The following TRDN variants were observed in gnomAD, a reference collection of about 807,000 sequenced individuals.
The protein encoded by TRDN is triadin.
A neutral mutation model predicts 149.7 loss-of-function variants in TRDN; 161 were observed. The ratio of observed to expected loss-of-function variants is 1.08; its 90% CI spans 0.95 to 1.23. The LOEUF (loss-of-function observed/expected upper bound fraction) is 1.23, where lower values mean the gene tolerates loss of function less well. Among genes scored for constraint, TRDN ranks in the 50% most tolerant of loss-of-function variants. TRDN has a pLI of 0.00. For missense variants in TRDN, 896 were observed against 823.5 expected (o/e 1.09, Z -1.08); for synonymous variants, 294 against 250.5 (o/e 1.17, Z -1.64).
intron 7 of TRDN, among the ~76,000 whole-genome samples, chr6:123,508,137 G>A (rs1779014671): frequency 6.6e-6 from 1 of 152,090 alleles, no homozygotes; most frequent in South Asian, 2.1e-4. Flanking sequence ...CATGTCTAGA[G>A]CTCTTGGAGT....
chr6:123,243,770 T>A (rs1776073435), intron 38 of TRDN, among the ~76,000 whole-genome samples: 1 of 151,704 alleles, frequency 6.6e-6, no homozygotes, highest in Admixed American at 6.6e-5. Context: ...TAAAGAAAAA[T>A]AACTTAATGA....
At chr6:123,569,059 TG>T (rs1782429020) in intron 2 of TRDN, among the ~76,000 whole-genome samples, 2 of 152,286 alleles carry the variant, frequency 1.3e-5, no homozygotes, top group South Asian at 4.1e-4. Context: ...CCCACATCTT[TG>T]AATAGGTTGG....
intron 38 of TRDN, among the ~76,000 whole-genome samples, chr6:123,235,184 G>A (rs2114530490): frequency 6.6e-6 from 1 of 152,208 alleles, no homozygotes; most frequent in East Asian, 1.9e-4. Flanking sequence ...GGAAACCATG[G>A]GGAGTCTGAG....
intron 4 of TRDN, among the ~76,000 whole-genome samples, chr6:123,537,700 G>A (rs2114380154): frequency 6.6e-6 from 1 of 152,248 alleles, no homozygotes; most frequent in Middle Eastern, 3.4e-3. Context: ...ATGTAACTGG[G>A]AAGAAAGGCC....
At chr6:123,384,217 A>G (rs1264174818) in intron 14 of TRDN, among the ~76,000 whole-genome samples, 3 of 152,188 alleles carry the variant, frequency 2.0e-5, no homozygotes, top group African/African-American at 7.2e-5. Flanking sequence ...TGCAGTGGCC[A>G]CTTCTACTTG....
intron 23 of TRDN, among the ~76,000 whole-genome samples, chr6:123,321,321 ACTT>A (rs773602477): frequency 3.9e-5 from 6 of 152,266 alleles, no homozygotes; most frequent in Non-Finnish European, 7.4e-5. Context: ...ATTTTAAACT[ACTT>A]TTCTCGCACT....
intron 11 of TRDN, 44 bp from the exon 12 acceptor site, chr6:123,438,166 T>C (rs1774678913): frequency 1.4e-6 from 2 of 1,437,972 alleles, no homozygotes. Context: ...CCTGTTTAAC[T>C]TGCAAATATT....
chr6:123,256,301 G>C (rs1776560775), intron 35 of TRDN, among the ~76,000 whole-genome samples: 1 of 152,110 alleles, frequency 6.6e-6, no homozygotes, highest in Non-Finnish European at 1.5e-5. Context: ...GTATTCCATG[G>C]TGTATATGTG....
In TRDN at chr6:123,523,051, A is replaced by G. The variant is rs534367764; in HGVS notation, c.485-6845T>C. Among the ~76,000 whole-genome samples, 5 of 152,240 alleles carry G rather than the reference A, an allele frequency of 3.3e-5. No individual in the cohort carries two copies. The East Asian group carries it at 5.8e-4, about 18-fold the overall frequency. ...ATCGACATATACCCACAATTAAAAT[A>G]TGTTGTCAAAGTGCTTGGAAGAGCA... is the stretch of plus-strand genomic sequence containing the variant. On this transcript the variant is annotated intron_variant, in intron 5 of 40. Transcript: ENST00000334268.
intron 38 of TRDN, among the ~76,000 whole-genome samples, chr6:123,229,267 TA>T (rs1775504001): frequency 6.6e-6 from 1 of 151,912 alleles, no homozygotes; most frequent in South Asian, 2.1e-4. Flanking sequence ...AATACTTATT[TA>T]ATTGGGCCTA....
At position 123,609,770 on chromosome 6, in the gene TRDN, A is replaced by G. The variant is rs17623800; in HGVS notation, c.22+26984T>C. 8.9e-3 allele frequency among the ~76,000 whole-genome samples: 1,362 copies of G among 152,274 alleles called. 3 individuals are homozygous for G. Among genetic ancestry groups the G allele is most frequent in the South Asian group, 0.023 (112 of 4,828 alleles). On this transcript the variant is annotated intron_variant, in intron 1 of 40. Transcript: ENST00000334268. ...GCTGGTATCCTACTTATGTGCTATCATGATATTGCGTGCATGAATCATAAT... is the reference window on the plus strand; with the variant it reads ...GCTGGTATCCTACTTATGTGCTATCGTGATATTGCGTGCATGAATCATAAT...
At chr6:123,580,487 C>T (rs1375040003) in intron 1 of TRDN, among the ~76,000 whole-genome samples, 5 of 152,164 alleles carry the variant, frequency 3.3e-5, no homozygotes, top group Admixed American at 2.6e-4. Flanking sequence ...AACTCACCTG[C>T]ATATTTTTCT....
chr6:123,375,882 A>T (rs1220511816), intron 18 of TRDN, among the ~76,000 whole-genome samples: 3 of 152,156 alleles, frequency 2.0e-5, no homozygotes, highest in Admixed American at 2.0e-4. Context: ...ATATTCATTT[A>T]CAAATCAATC....
chr6:123,255,808 C>A, intron 36 of TRDN, 59 bp downstream of exon 36: 3 of 1,177,008 alleles, frequency 2.5e-6, no homozygotes, highest in Non-Finnish European at 1.1e-6. Context: ...TACATTTTGA[C>A]TTAAAATATT....
intron 24 of TRDN, among the ~76,000 whole-genome samples, chr6:123,295,747 C>A (rs1778168603): frequency 6.6e-6 from 1 of 151,924 alleles, no homozygotes; most frequent in South Asian, 2.1e-4. Flanking sequence ...GTGGATCACT[C>A]GAGACCAGGA....
At position 123,371,358 on chromosome 6, in the gene TRDN, C is replaced by T. The variant is rs1444208131; in HGVS notation, c.1273+4247G>A. Among the ~76,000 whole-genome samples, 3 of 152,220 alleles carry T rather than the reference C, an allele frequency of 2.0e-5. No homozygotes were observed. The East Asian group carries it at 5.8e-4, about 29-fold the overall frequency. On this transcript the variant is annotated intron_variant, in intron 19 of 40. Coordinates refer to ENST00000334268, the MANE Select transcript of TRDN (RefSeq NM_006073.4). ...TGCTTTTTCTTATGTCAGATTTTTGCTCAAGTGTGATGTATTTTAAGTCTC... is the reference window on the plus strand; with the variant it reads ...TGCTTTTTCTTATGTCAGATTTTTGTTCAAGTGTGATGTATTTTAAGTCTC...
At position 123,439,274 on chromosome 6, in the gene TRDN, T is replaced by C. The variant is rs9490752; in HGVS notation, c.932-271A>G. 0.15 allele frequency among the ~76,000 whole-genome samples: 22,122 copies of C among 152,174 alleles called. 2,208 individuals carry two copies. Among genetic ancestry groups the C allele is most frequent in the African/African-American group, 0.29 (11,928 of 41,510 alleles). On this transcript the variant is annotated intron_variant, in intron 10 of 40. Coordinates refer to ENST00000334268, the MANE Select transcript of TRDN (RefSeq NM_006073.4). The stretch of plus-strand genomic sequence containing the variant: ...GCTAATACTGTTTACAAATAATGAA[T>C]GTGATAGTTTGAACTTTCTGAACCA...
chr6:123,411,708 T>A (rs1465490754), intron 12 of TRDN: 1 of 152,180 alleles, frequency 6.6e-6, no homozygotes, highest in Non-Finnish European at 1.5e-5. Flanking sequence ...CCCTCTACCA[T>A]CTGCAGGTAT....
intron 38 of TRDN, among the ~76,000 whole-genome samples, chr6:123,252,098 C>T (rs1437590019): frequency 1.3e-5 from 2 of 151,972 alleles, no homozygotes; most frequent in Non-Finnish European, 2.9e-5. Flanking sequence ...CAGTTAAAGG[C>T]AGATACAGAA....
Sources: allele counts gnomAD v4.1 joint callset (sites outside exome capture counted in the v4.1 genomes callset), GRCh38; gene constraint gnomAD v4.1.1; transcripts MANE v1.5; gene names NCBI Gene and HGNC (gene_info 2026-07-23, HGNC 2026-07-21).